Variants in IL1RAPL1 observed in about 807,000 individuals in gnomAD.
IL1RAPL1 encodes interleukin-1 receptor accessory protein-like 1.
In IL1RAPL1, 3 loss-of-function variants were observed where a neutral mutation model predicts 48.4. The observed-to-expected ratio is 0.06, with a 90% CI of 0.03 to 0.16. The LOEUF is 0.16. Ranked by LOEUF, IL1RAPL1 falls within the 10% of genes least tolerant of loss-of-function variation. The probability of loss-of-function intolerance (pLI) is 1.00; values close to 1 mark genes in which losing one functional copy is unlikely to be tolerated. For synonymous variants in IL1RAPL1, 185 were observed against 187.7 expected (o/e 0.99, Z 0.12); for missense variants, 349 against 530.6 (o/e 0.66, Z 3.36).
chrX:28,762,659 A>T lies in IL1RAPL1; in HGVS notation c.-24-26661A>T, dbSNP rs113142528. Reference sequence around the variant, plus strand: ...CATGGTAATTTTTTCATGCCTAAGAACAGTCTTTAAAGTGTTTTATTTGGC... The same window carrying T: ...CATGGTAATTTTTTCATGCCTAAGATCAGTCTTTAAAGTGTTTTATTTGGC... On this transcript the variant is annotated intron_variant, in intron 1 of 10. Coordinates refer to ENST00000378993, the MANE Select transcript of IL1RAPL1 (RefSeq NM_014271.4). Among the ~76,000 whole-genome samples, 294 of 110,252 alleles carry T rather than the reference A, an allele frequency of 2.7e-3. 1 individual carries two copies. The highest frequency in any genetic ancestry group is 9.1e-3 in the African/African-American group (276 of 30,330).
At chrX:28,672,046 C>G (rs196984) in intron 1 of IL1RAPL1, among the ~76,000 whole-genome samples, 35,640 of 111,061 alleles carry the variant, frequency 0.32, 4,349 homozygotes, top group Middle Eastern at 0.44. Flanking sequence ...ATAATCTCTA[C>G]AGGCTTAAAT....
At chrX:29,745,402 C>T (rs1569158761) in intron 6 of IL1RAPL1, among the ~76,000 whole-genome samples, 1 of 98,219 alleles carries the variant, frequency 1.0e-5, no homozygotes, top group Non-Finnish European at 2.0e-5. Flanking sequence ...TCAAAAATGA[C>T]CCTTCTCTTT....
intron 2 of IL1RAPL1, among the ~76,000 whole-genome samples, chrX:28,934,648 C>T (rs1021605081): frequency 2.7e-5 from 3 of 111,680 alleles, no homozygotes; most frequent in African/African-American, 6.5e-5. Context: ...TTTGTTGTTT[C>T]GTGACTGATT....
chrX:28,653,429 C>A (rs1165379595), intron 1 of IL1RAPL1, among the ~76,000 whole-genome samples: 1 of 110,261 alleles, frequency 9.1e-6, no homozygotes, highest in Non-Finnish European at 1.9e-5. Context: ...GAGCTGATAT[C>A]ATGCCACTGC....
chrX:29,045,092 C>T (rs1350632950), intron 2 of IL1RAPL1, among the ~76,000 whole-genome samples: 2 of 110,884 alleles, frequency 1.8e-5, no homozygotes, highest in Admixed American at 9.6e-5. Context: ...GAAACTTGGA[C>T]AGGAAAACTC....
chrX:28,947,254 A>G (rs899561511), intron 2 of IL1RAPL1, among the ~76,000 whole-genome samples: 1 of 111,709 alleles, frequency 9.0e-6, no homozygotes, highest in East Asian at 2.8e-4. Flanking sequence ...GCACACACAC[A>G]TATATGTGTT....
chrX:29,223,635 C>G (rs1179301083), intron 2 of IL1RAPL1, among the ~76,000 whole-genome samples: 1 of 108,212 alleles, frequency 9.2e-6, no homozygotes, highest in Admixed American at 9.9e-5. Context: ...ACTTCCGCCT[C>G]CCCGGTTCAA....
At chrX:28,724,933 A>C (rs2146942619) in intron 1 of IL1RAPL1, among the ~76,000 whole-genome samples, 1 of 104,185 alleles carries the variant, frequency 9.6e-6, no homozygotes, top group Admixed American at 1.1e-4. Flanking sequence ...CTTGACGTCT[A>C]CCTCCAACTC....
chrX:29,803,061 ATG>A (rs1199521810), intron 6 of IL1RAPL1, among the ~76,000 whole-genome samples: 11 of 83,374 alleles, frequency 1.3e-4, no homozygotes, highest in Admixed American at 1.2e-3. Flanking sequence ...GTACATATAT[ATG>A]TATGCATGTA....
At chrX:28,753,913 A>C (rs957781622) in intron 1 of IL1RAPL1, among the ~76,000 whole-genome samples, 1 of 100,880 alleles carries the variant, frequency 9.9e-6, no homozygotes, top group Admixed American at 1.0e-4. Flanking sequence ...GGAAGGAAGG[A>C]GGGAGGGAGA....
Position 29,058,151 on chromosome X carries a change from G to A in IL1RAPL1, c.83-224787G>A, listed in dbSNP as rs931165963. Among the ~76,000 whole-genome samples, 4 of 110,411 alleles carry A rather than the reference G, an allele frequency of 3.6e-5. 1 individual carries two copies. The highest frequency in any genetic ancestry group is 1.9e-4 in the Admixed American group (2 of 10,328). ...AGCACTTTGGGAGGCTGAGGTGGGCGGATCACAAAGTCAGGAGATCGAGAC... is the reference window on the plus strand; with the variant it reads ...AGCACTTTGGGAGGCTGAGGTGGGCAGATCACAAAGTCAGGAGATCGAGAC... On this transcript the variant is annotated intron_variant, in intron 2 of 10. Coordinates refer to ENST00000378993, the MANE Select transcript of IL1RAPL1 (RefSeq NM_014271.4).
chrX:28,668,311 T>C (rs766745322), intron 1 of IL1RAPL1, among the ~76,000 whole-genome samples: 57 of 111,238 alleles, frequency 5.1e-4, no homozygotes, highest in Non-Finnish European at 9.3e-4. Context: ...CAGGCTGGAG[T>C]GCAATGGCGT....
At chrX:28,615,045 C>T (rs972026989) in intron 1 of IL1RAPL1, among the ~76,000 whole-genome samples, 2 of 109,184 alleles carry the variant, frequency 1.8e-5, no homozygotes, top group East Asian at 2.9e-4. Flanking sequence ...CCCGCCACCA[C>T]GCCCGGCTAC....
chrX:29,082,057 C>T lies in IL1RAPL1; in HGVS notation c.83-200881C>T, dbSNP rs185537859. On this transcript the variant is annotated intron_variant, in intron 2 of 10. Coordinates refer to ENST00000378993, the MANE Select transcript of IL1RAPL1 (RefSeq NM_014271.4). ...TCCCAAATGGAATTTCTCTAACAGA[C>T]TTTGCCAAACTTTGATTTCTTGGTT... 4.0e-3 allele frequency among the ~76,000 whole-genome samples: 448 copies of T among 111,658 alleles called. 1 individual carries two copies. Among genetic ancestry groups the T allele is most frequent in the Non-Finnish European group, 6.4e-3 (340 of 53,122 alleles).
intron 2 of IL1RAPL1, among the ~76,000 whole-genome samples, chrX:29,033,457 T>G (rs1029171292): frequency 5.4e-5 from 6 of 110,571 alleles, no homozygotes; most frequent in African/African-American, 2.0e-4. Context: ...GAAAGGGAAA[T>G]GGGGTTTGGC....
At chrX:29,148,719 C>G (rs1463060374) in intron 2 of IL1RAPL1, among the ~76,000 whole-genome samples, 2 of 111,675 alleles carry the variant, frequency 1.8e-5, no homozygotes, top group African/African-American at 6.5e-5. Context: ...TTGGAGTTAT[C>G]AACCTCTGCC....
chrX:28,694,547 C>A (rs1935210728), intron 1 of IL1RAPL1, among the ~76,000 whole-genome samples: 1 of 111,960 alleles, frequency 8.9e-6, no homozygotes, highest in Admixed American at 9.5e-5. Context: ...CTGAATAATT[C>A]ACTATAGTTA....
chrX:29,161,144 T>G (rs1328550712), intron 2 of IL1RAPL1, among the ~76,000 whole-genome samples: 1 of 110,860 alleles, frequency 9.0e-6, no homozygotes, highest in Non-Finnish European at 1.9e-5. Flanking sequence ...CAGGGATACA[T>G]GGCCTGGGAG....
At chrX:29,739,633 C>T (rs1237193347) in intron 6 of IL1RAPL1, among the ~76,000 whole-genome samples, 1 of 111,980 alleles carries the variant, frequency 8.9e-6, no homozygotes, top group Admixed American at 9.5e-5. Flanking sequence ...AATACCTACT[C>T]ATAGCTCTGT....
Sources: gnomAD v4.1 joint callset for allele counts (sites outside exome capture counted in the v4.1 genomes callset) on GRCh38, gnomAD v4.1.1 for gene constraint, MANE v1.5 for transcripts, NCBI Gene and HGNC (gene_info 2026-07-23, HGNC 2026-07-21) for gene names.